Variants in F13A1 observed in about 807,000 individuals in gnomAD.
F13A1 encodes coagulation factor XIII A chain.
F13A1 carries 47 observed loss-of-function variants against 80.1 expected under a neutral mutation model. The ratio of observed to expected loss-of-function variants is 0.59; its 90% CI spans 0.46 to 0.75. F13A1 has a LOEUF of 0.75. F13A1 is among the 30% of genes least tolerant of loss of function. The pLI, the probability that F13A1 is intolerant of heterozygous loss-of-function variation, is 0.00. For missense variants in F13A1, 817 were observed against 930.4 expected, an observed-to-expected ratio of 0.88 and a Z score of 1.59; for synonymous variants, 349 against 344.9, an observed-to-expected ratio of 1.01 and a Z score of -0.13.
chr6:6,219,565 C>T (rs951892852), intron 8 of F13A1, among the ~76,000 whole-genome samples: 10 of 152,198 alleles, frequency 6.6e-5, no homozygotes, highest in African/African-American at 2.4e-4. Context: ...CAAAGCCACA[C>T]AGCAAGTAGC....
At chr6:6,271,064 G>A (rs1306177416) in intron 3 of F13A1, among the ~76,000 whole-genome samples, 5 of 152,086 alleles carry the variant, frequency 3.3e-5, no homozygotes, top group East Asian at 1.9e-4. Flanking sequence ...TTATGGAAGC[G>A]TTATCAGGGA....
chr6:6,209,214 C>T (rs1194309494), intron 8 of F13A1, among the ~76,000 whole-genome samples: 1 of 150,516 alleles, frequency 6.6e-6, no homozygotes, highest in Non-Finnish European at 1.5e-5. Context: ...ATACACAGGG[C>T]CAAGAAAAAC....
intron 6 of F13A1, among the ~76,000 whole-genome samples, chr6:6,225,344 T>C (rs1757261736): frequency 6.6e-6 from 1 of 152,226 alleles, no homozygotes. Context: ...CTCTACCGAC[T>C]TGAAAAAGTT....
intron 1 of F13A1, among the ~76,000 whole-genome samples, chr6:6,319,668 A>G (rs1274048130): frequency 1.3e-5 from 2 of 152,074 alleles, no homozygotes; most frequent in Admixed American, 1.3e-4. Context: ...AACCAGGCAC[A>G]CCCCCAAGAG....
At position 6,151,856 on chromosome 6, in the gene F13A1, G is replaced by C. The variant is rs570157317; in HGVS notation, c.2002C>G (p.Leu668Val). ...GGTCTTGTTACTCCAGGACCATCCA[G>C]GTGTACCCAGACATTTCGCAGGGTT... Reference protein sequence around the residue: ...KETLRNVWVHLDGPGVTRPMK... With the variant: ...KETLRNVWVHVDGPGVTRPMK... The change falls in exon 14 of 15, where the codon CTG becomes GTG. Residue 668 changes from leucine to valine, a missense_variant. Leu to Val is a conservative substitution (Grantham distance 32, BLOSUM62 1). Transcript: ENST00000264870. 4.0e-5 allele frequency: 64 copies of C among 1,614,074 alleles called. No individual in the cohort carries two copies. The Middle Eastern group carries it at 4.9e-4, about 12-fold the overall frequency.
chr6:6,237,485 T>G (rs1757428619), intron 6 of F13A1, among the ~76,000 whole-genome samples: 1 of 152,190 alleles, frequency 6.6e-6, no homozygotes, highest in African/African-American at 2.4e-5. Context: ...CATAGTGGTT[T>G]GCTTAATAAC....
chr6:6,299,997 A>C (rs1331906330), intron 3 of F13A1, among the ~76,000 whole-genome samples: 1 of 147,124 alleles, frequency 6.8e-6, no homozygotes, highest in Non-Finnish European at 1.5e-5. Context: ...GGTCTGTTGG[A>C]GTACCCTGCC....
At chr6:6,191,877 G>C (rs558745027) in intron 10 of F13A1, among the ~76,000 whole-genome samples, 1 of 152,218 alleles carries the variant, frequency 6.6e-6, no homozygotes, top group African/African-American at 2.4e-5. Context: ...TATTCTAGAA[G>C]GGAGAAATGG....
At chr6:6,183,250 GATA>G (rs1241938013) in intron 10 of F13A1, among the ~76,000 whole-genome samples, 2 of 152,208 alleles carry the variant, frequency 1.3e-5, no homozygotes, top group Non-Finnish European at 2.9e-5. Context: ...TAAATAGGGT[GATA>G]ATAACTCCTT....
chr6:6,194,117 T>G (rs1258937427), intron 10 of F13A1, among the ~76,000 whole-genome samples: 1 of 152,168 alleles, frequency 6.6e-6, no homozygotes, highest in Non-Finnish European at 1.5e-5. Flanking sequence ...ATCTCTGGCT[T>G]GGAGGGATGA....
intron 6 of F13A1, among the ~76,000 whole-genome samples, chr6:6,231,216 T>A (rs1033723638): frequency 1.3e-5 from 2 of 152,078 alleles, no homozygotes; most frequent in Non-Finnish European, 2.9e-5. Flanking sequence ...AGGAAATAGA[T>A]AGCTTAAAGA....
chr6:6,274,827 A>T (rs1757966259), intron 3 of F13A1, among the ~76,000 whole-genome samples: 1 of 152,220 alleles, frequency 6.6e-6, no homozygotes, highest in South Asian at 2.1e-4. Flanking sequence ...TAAAGGTGGA[A>T]AAGGTAGAGA....
At chr6:6,190,761 G>T (rs1441095043) in intron 10 of F13A1, among the ~76,000 whole-genome samples, 1 of 152,132 alleles carries the variant, frequency 6.6e-6, no homozygotes, top group African/African-American at 2.4e-5. Flanking sequence ...CCCAGTTCGA[G>T]CTTCCTGGCT....
At chr6:6,283,106 C>A (rs1050618912) in intron 3 of F13A1, among the ~76,000 whole-genome samples, 1 of 152,152 alleles carries the variant, frequency 6.6e-6, no homozygotes, top group African/African-American at 2.4e-5. Context: ...AAGAACACAG[C>A]ATCATTTCTG....
chr6:6,280,373 C>T lies in F13A1; in HGVS notation c.320-13564G>A, dbSNP rs113669953. Among the ~76,000 whole-genome samples the T allele has an allele frequency of 7.0e-3, 1,070 of 152,190 alleles. 13 individuals are homozygous for T. Among genetic ancestry groups the T allele is most frequent in the African/African-American group, 0.024 (1,016 of 41,516 alleles). On this transcript the variant is annotated intron_variant, in intron 3 of 14. Transcript: ENST00000264870. ...AGTAGTAGACCGTGGGGGAAGTCAA[C>T]GACTTTATTAACTACATGACAACAA...
chr6:6,183,319 A>G (rs2151077594), intron 10 of F13A1, among the ~76,000 whole-genome samples: 1 of 152,358 alleles, frequency 6.6e-6, no homozygotes, highest in East Asian at 1.9e-4. Context: ...ATTACTTATC[A>G]TAGTGTCTGG....
chr6:6,294,238 G>C (rs1192902648), intron 3 of F13A1, among the ~76,000 whole-genome samples: 1 of 152,140 alleles, frequency 6.6e-6, no homozygotes, highest in Non-Finnish European at 1.5e-5. Context: ...GGCTGGGGAA[G>C]GCAGATCCAC....
chr6:6,201,820 A>G (rs1761399950), intron 8 of F13A1, among the ~76,000 whole-genome samples: 1 of 152,148 alleles, frequency 6.6e-6, no homozygotes, highest in Non-Finnish European at 1.5e-5. Flanking sequence ...CTGGGATTAC[A>G]GGCGTGAGCA....
intron 3 of F13A1, among the ~76,000 whole-genome samples, chr6:6,300,444 A>G (rs1196097802): frequency 1.3e-5 from 2 of 151,854 alleles, no homozygotes; most frequent in South Asian, 2.1e-4. Flanking sequence ...TAATCTCCTG[A>G]TGCGCCGTTT....
Sources: gnomAD v4.1 joint callset for allele counts (sites outside exome capture counted in the v4.1 genomes callset) on GRCh38, gnomAD v4.1.1 for gene constraint, MANE v1.5 for transcripts, NCBI Gene and HGNC (gene_info 2026-07-23, HGNC 2026-07-21) for gene names.